Variants in LSM3 observed in about 807,000 individuals in gnomAD.
LSM3 encodes the protein LSM3 homolog, U6 small nuclear RNA and mRNA degradation associated.
LSM3 carries 14 observed loss-of-function variants against 15.4 expected under a neutral mutation model. The observed-to-expected ratio is 0.91, with a 90% CI of 0.60 to 1.42. The LOEUF (loss-of-function observed/expected upper bound fraction) is 1.42. LSM3 is among the 40% of genes most tolerant of loss of function. LSM3 has a pLI of 0.00. For synonymous variants in LSM3, 46 were observed against 45.1 expected (o/e 1.02, Z -0.08); for missense variants, 88 against 127.9 (o/e 0.69, Z 1.50).
chr3:14,189,648 T>G (rs1449922715), intron 3 of LSM3, among the ~76,000 whole-genome samples: 1 of 152,196 alleles, frequency 6.6e-6, no homozygotes, highest in Non-Finnish European at 1.5e-5. Context: ...TTGATGGGGT[T>G]GTTTTTTTTC....
intron 3 of LSM3, among the ~76,000 whole-genome samples, chr3:14,193,478 T>C (rs1276404488): frequency 3.9e-5 from 6 of 152,210 alleles, no homozygotes; most frequent in Admixed American, 1.3e-4. Flanking sequence ...GTTTGTTCCT[T>C]TTATTCTTTT....
intron 3 of LSM3, among the ~76,000 whole-genome samples, chr3:14,184,901 C>CA (rs1697073685): frequency 6.6e-6 from 1 of 151,590 alleles, no homozygotes; most frequent in Admixed American, 6.6e-5. Flanking sequence ...GCTAAAAATA[C>CA]AAAAAATTAG....
chr3:14,186,973 G>T (rs1055579886), intron 3 of LSM3, among the ~76,000 whole-genome samples: 32 of 152,302 alleles, frequency 2.1e-4, no homozygotes, highest in African/African-American at 7.5e-4. Context: ...ATTAACATAA[G>T]AATTTTACCA....
At chr3:14,196,704 C>G (rs1559393661) in intron 3 of LSM3, among the ~76,000 whole-genome samples, 1 of 152,208 alleles carries the variant, frequency 6.6e-6, no homozygotes, top group Non-Finnish European at 1.5e-5. Context: ...ATTGTGCGTC[C>G]TACATCTTTA....
At chr3:14,180,966 C>G (rs1697032494) in intron 1 of LSM3, among the ~76,000 whole-genome samples, 1 of 151,390 alleles carries the variant, frequency 6.6e-6, no homozygotes, top group Non-Finnish European at 1.5e-5. Context: ...ATCCTCCCAC[C>G]TCAGCCCTTG....
chr3:14,184,378 TC>T (rs1332612200), intron 3 of LSM3, among the ~76,000 whole-genome samples: 4 of 152,252 alleles, frequency 2.6e-5, no homozygotes, highest in African/African-American at 9.6e-5. Context: ...TGGACAGTGT[TC>T]TTTCGTTTTC....
Position 14,200,223 on chromosome 3 carries a change from G to A in LSM3, c.*2107G>A, listed in dbSNP as rs938437823. The A allele has an allele frequency of 1.3e-5, 2 of 152,186 alleles. No homozygotes were observed. The highest frequency in any genetic ancestry group is 4.8e-5 in the African/African-American group (2 of 41,440). The allele number at this position is 152,186 out of a possible 1,614,324, so 9.4% of individuals were successfully genotyped here. ...ATTTCCTAGCTGCTAAGATACAAGG[G>A]GAGGGACAATAAAAGGTTAACTGCA... On this transcript the variant is annotated 3_prime_UTR_variant, in exon 4 of 4. Transcript: ENST00000306024.
chr3:14,193,853 G>A (rs1697163874), intron 3 of LSM3, among the ~76,000 whole-genome samples: 1 of 152,198 alleles, frequency 6.6e-6, no homozygotes, highest in Admixed American at 6.5e-5. Flanking sequence ...TGGAGGAGGA[G>A]AGGCGTTCGT....
At chr3:14,195,762 G>A (rs1697182010) in intron 3 of LSM3, among the ~76,000 whole-genome samples, 1 of 152,142 alleles carries the variant, frequency 6.6e-6, no homozygotes, top group Non-Finnish European at 1.5e-5. Flanking sequence ...TTCTGGTGTG[G>A]AGCTTGGCGC....
intron 3 of LSM3, among the ~76,000 whole-genome samples, chr3:14,189,082 T>C (rs1464795365): frequency 2.0e-5 from 3 of 152,182 alleles, no homozygotes; most frequent in Non-Finnish European, 4.4e-5. Context: ...GATATTTTGC[T>C]GAGAATGATG....
intron 3 of LSM3, among the ~76,000 whole-genome samples, chr3:14,196,414 G>A (rs945015819): frequency 1.3e-5 from 2 of 152,150 alleles, no homozygotes; most frequent in African/African-American, 2.4e-5. Flanking sequence ...GGTTTTCTCC[G>A]TCAGACCACA....
At chr3:14,182,242 A>C (rs559703105) in intron 2 of LSM3, among the ~76,000 whole-genome samples, 1 of 152,316 alleles carries the variant, frequency 6.6e-6, no homozygotes, top group African/African-American at 2.4e-5. Context: ...GTATGTTTAC[A>C]CATATACACT....
chr3:14,182,760 G>C (rs1037839599), intron 2 of LSM3, among the ~76,000 whole-genome samples: 1 of 152,182 alleles, frequency 6.6e-6, no homozygotes, highest in African/African-American at 2.4e-5. Flanking sequence ...ACAACCCTAT[G>C]ATGATACATA....
intron 1 of LSM3, among the ~76,000 whole-genome samples, chr3:14,180,122 A>C (rs575302233): frequency 6.6e-6 from 1 of 152,278 alleles, no homozygotes; most frequent in African/African-American, 2.4e-5. Flanking sequence ...TTGTGTACTT[A>C]CTGAAGAAGC....
chr3:14,190,075 G>A (rs1697125076), intron 3 of LSM3, among the ~76,000 whole-genome samples: 1 of 152,094 alleles, frequency 6.6e-6, no homozygotes, highest in Non-Finnish European at 1.5e-5. Context: ...CATTGCTTGT[G>A]TGCATCAGGT....
intron 1 of LSM3, 100 bp from the exon 2 acceptor site, chr3:14,181,460 A>G (rs1284640266): frequency 2.7e-6 from 2 of 750,412 alleles, no homozygotes; most frequent in Non-Finnish European, 4.7e-6. Flanking sequence ...ACTGAGGCAG[A>G]AAAAGGTTAA....
At chr3:14,183,525 T>C (rs1238138725) in intron 2 of LSM3, among the ~76,000 whole-genome samples, 1 of 152,250 alleles carries the variant, frequency 6.6e-6, no homozygotes, top group African/African-American at 2.4e-5. Flanking sequence ...TTATCTTCTT[T>C]ACTGTATTTT....
Position 14,179,005 on chromosome 3 carries a change from C to T in LSM3, c.21+124C>T. 8 of 1,072,966 alleles carry T rather than the reference C, an allele frequency of 7.5e-6. No individual in the cohort carries two copies. In the South Asian group the frequency reaches 8.1e-5, roughly 11 times the overall value. The allele number at this position is 1,072,966 out of a possible 1,614,324, so 66.5% of individuals were successfully genotyped here. ...GTCACCATGGCCTAATCCACCCTGT[C>T]CTTTCCGTAACCCCCCCTCCGAATT... On this transcript the variant is annotated intron_variant, in intron 1 of 3. Coordinates refer to ENST00000306024, the MANE Select transcript of LSM3 (RefSeq NM_014463.3).
Position 14,198,017 on chromosome 3 carries a change from G to GA in LSM3, c.229-19_229-18insA. ...ATACACAGTTGTACAAATATGTTCT[G>GA]TTTTTTTTTCTCTTCTAGTCAACGA... On this transcript the variant is annotated intron_variant, in intron 3 of 3. Coordinates refer to ENST00000306024, the MANE Select transcript of LSM3 (RefSeq NM_014463.3). 1 of 1,538,538 alleles carries GA rather than the reference G, an allele frequency of 6.5e-7. No individual in the cohort carries two copies. Among genetic ancestry groups the GA allele is most frequent in the Non-Finnish European group, 8.9e-7 (1 of 1,118,442 alleles).
Sources: allele counts gnomAD v4.1 joint callset (sites outside exome capture counted in the v4.1 genomes callset), GRCh38; gene constraint gnomAD v4.1.1; transcripts MANE v1.5; gene names NCBI Gene and HGNC (gene_info 2026-07-23, HGNC 2026-07-21).